CCDC178: variants seen among roughly 807,000 people sequenced by gnomAD.
CCDC178 encodes coiled-coil domain-containing protein 178.
CCDC178 carries 126 observed loss-of-function variants against 117.4 expected under a neutral mutation model. The observed-to-expected ratio is 1.07, with a 90% CI of 0.93 to 1.24. CCDC178 has a LOEUF of 1.24. CCDC178 is among the 50% of genes most tolerant of loss of function. The pLI is 0.00. For synonymous variants in CCDC178, 283 were observed against 313.4 expected, an observed-to-expected ratio of 0.90 and a Z score of 1.02; for missense variants, 1,030 against 986.9, an observed-to-expected ratio of 1.04 and a Z score of -0.59.
intron 21 of CCDC178, among the ~76,000 whole-genome samples, chr18:33,042,308 T>C (rs191521309): frequency 6.6e-6 from 1 of 152,046 alleles, no homozygotes; most frequent in East Asian, 1.9e-4. Flanking sequence ...CTGCCAAAAA[T>C]ATTTAATCTG....
chr18:33,336,550 T>A (rs575730914), intron 9 of CCDC178, among the ~76,000 whole-genome samples: 1 of 152,236 alleles, frequency 6.6e-6, no homozygotes, highest in South Asian at 2.1e-4. Flanking sequence ...AACTTTGATA[T>A]TACTGGTTTA....
intron 21 of CCDC178, among the ~76,000 whole-genome samples, chr18:32,987,270 A>G (rs1380485177): frequency 6.6e-6 from 1 of 151,990 alleles, no homozygotes. Flanking sequence ...AAACTAAAAG[A>G]TAGTCAAGAT....
intron 5 of CCDC178, among the ~76,000 whole-genome samples, chr18:33,370,582 C>G (rs2063284942): frequency 6.6e-6 from 1 of 151,780 alleles, no homozygotes; most frequent in Non-Finnish European, 1.5e-5. Context: ...TTAAATATTC[C>G]CTTCAAAGAG....
intron 22 of CCDC178, among the ~76,000 whole-genome samples, chr18:32,950,545 A>G (rs1288636574): frequency 6.6e-6 from 1 of 152,098 alleles, no homozygotes; most frequent in Non-Finnish European, 1.5e-5. Context: ...GATTTCGTTT[A>G]CTTTCAGTAG....
At chr18:32,968,013 A>G (rs2054850735) in intron 22 of CCDC178, among the ~76,000 whole-genome samples, 3 of 147,062 alleles carry the variant, frequency 2.0e-5, no homozygotes, top group Non-Finnish European at 3.0e-5. Context: ...GCACTCAAAA[A>G]CCCCTCTTTT....
At chr18:33,035,030 A>G (rs146459131) in intron 21 of CCDC178, among the ~76,000 whole-genome samples, 3 of 152,108 alleles carry the variant, frequency 2.0e-5, no homozygotes, top group East Asian at 1.9e-4. Flanking sequence ...AACATGAGAC[A>G]TGTTTATTTA....
intron 14 of CCDC178, among the ~76,000 whole-genome samples, chr18:33,265,063 G>A (rs1164943236): frequency 6.6e-6 from 1 of 152,086 alleles, no homozygotes; most frequent in African/African-American, 2.4e-5. Flanking sequence ...ATAAAATGTA[G>A]TAATATTAAC....
At chr18:33,027,197 T>A (rs1351912541) in intron 21 of CCDC178, among the ~76,000 whole-genome samples, 1 of 151,728 alleles carries the variant, frequency 6.6e-6, no homozygotes, top group Non-Finnish European at 1.5e-5. Flanking sequence ...ATACATGTTA[T>A]GATATCAAGA....
chr18:33,309,184 T>C (rs889644831), intron 11 of CCDC178, among the ~76,000 whole-genome samples: 5 of 39,028 alleles, frequency 1.3e-4, no homozygotes, highest in Admixed American at 3.5e-4. Context: ...TTTGTGTTTT[T>C]TGACAAAAAA....
chr18:32,938,211 A>G, intron 22 of CCDC178, 120 bp from the exon 23 acceptor site: 1 of 686,592 alleles, frequency 1.5e-6, no homozygotes, highest in Non-Finnish European at 2.6e-6. Context: ...GACAAACACC[A>G]TTACATTCTC....
At chr18:33,236,836 G>A (rs1273613541) in intron 15 of CCDC178, among the ~76,000 whole-genome samples, 2 of 152,108 alleles carry the variant, frequency 1.3e-5, no homozygotes, top group Non-Finnish European at 2.9e-5. Context: ...TCCTGAATCA[G>A]ATGGGCCCAA....
At chr18:33,045,864 C>T (rs916360688) in intron 21 of CCDC178, among the ~76,000 whole-genome samples, 1 of 151,968 alleles carries the variant, frequency 6.6e-6, no homozygotes, top group Non-Finnish European at 1.5e-5. Context: ...GTCAGGAGTT[C>T]GAGACCAGCC....
At chr18:33,230,148 T>C (rs4632197) in intron 15 of CCDC178, among the ~76,000 whole-genome samples, 24,298 of 152,050 alleles carry the variant, frequency 0.16, 2,690 homozygotes, top group African/African-American at 0.32. Context: ...ACAGAATGGC[T>C]GTATGAGTGC....
At chr18:33,166,656 ATCTT>A (rs755552223) in intron 20 of CCDC178, among the ~76,000 whole-genome samples, 7 of 152,212 alleles carry the variant, frequency 4.6e-5, no homozygotes, top group Non-Finnish European at 8.8e-5. Flanking sequence ...TGTCCCCATC[ATCTT>A]TCTATCAGTA....
upstream of CCDC178, chr18:33,440,810 C>A (rs577120035): frequency 5.2e-5 from 8 of 154,308 alleles, no homozygotes; most frequent in African/African-American, 1.7e-4. Context: ...TCCGGGGCCT[C>A]CTGGCTCGAG....
At chr18:33,118,075 G>C (rs2057884007) in intron 20 of CCDC178, among the ~76,000 whole-genome samples, 2 of 151,938 alleles carry the variant, frequency 1.3e-5, no homozygotes, top group African/African-American at 4.8e-5. Context: ...ATTTTTTTCT[G>C]ACTAGTGAAT....
chr18:33,234,665 T>C (rs907141146), intron 15 of CCDC178, among the ~76,000 whole-genome samples: 3 of 152,074 alleles, frequency 2.0e-5, no homozygotes, highest in Admixed American at 6.6e-5. Context: ...TTTGAGCATA[T>C]TGACAATATG....
intron 7 of CCDC178, among the ~76,000 whole-genome samples, chr18:33,352,768 GA>G (rs1158032619): frequency 6.6e-6 from 1 of 151,944 alleles, no homozygotes; most frequent in South Asian, 2.1e-4. Context: ...TATTGGGTCA[GA>G]AAAAAATACC....
intron 14 of CCDC178, among the ~76,000 whole-genome samples, chr18:33,259,757 T>C (rs1237015104): frequency 6.6e-6 from 1 of 152,050 alleles, no homozygotes; most frequent in African/African-American, 2.4e-5. Context: ...ACTTCCATAA[T>C]AATTATGTAT....
Sources: gnomAD v4.1 joint callset for allele counts (sites outside exome capture counted in the v4.1 genomes callset) on GRCh38, gnomAD v4.1.1 for gene constraint, MANE v1.5 for transcripts, NCBI Gene and HGNC (gene_info 2026-07-23, HGNC 2026-07-21) for gene names.